Variants in PRH1 observed in about 807,000 individuals in gnomAD.
PRH1 encodes proline rich protein HaeIII subfamily 1.
PRH1 carries 7 observed loss-of-function variants against 7.9 expected under a neutral mutation model. The observed-to-expected ratio is 0.89, with a 90% CI of 0.50 to 1.67. The LOEUF is 1.67. PRH1 is among the 40% of genes most tolerant of loss of function. PRH1 has a pLI of 0.00. For missense variants in PRH1, 109 were observed against 223.6 expected, an observed-to-expected ratio of 0.49 and a Z score of 3.27; for synonymous variants, 45 against 80.8, an observed-to-expected ratio of 0.56 and a Z score of 2.38.
At chr12:11,087,102 G>GTT (rs376472781) in intron 1 of PRH1, among the ~76,000 whole-genome samples, 2 of 86,820 alleles carry the variant, frequency 2.3e-5, no homozygotes, top group Non-Finnish European at 2.8e-5. Flanking sequence ...AGTTAAACTT[G>GTT]TTTTTTTTTT....
intron 1 of PRH1, among the ~76,000 whole-genome samples, chr12:11,080,326 C>T (rs1301906825): frequency 1.9e-5 from 2 of 106,300 alleles, no homozygotes; most frequent in African/African-American, 3.0e-5. Context: ...CTTCTTTTCG[C>T]TTCTGTATAA....
At chr12:11,128,852 G>A (rs974003652) in intron 1 of PRH1, among the ~76,000 whole-genome samples, 20 of 152,164 alleles carry the variant, frequency 1.3e-4, no homozygotes, top group African/African-American at 4.8e-4. Flanking sequence ...TTTGCTATAA[G>A]CAGGAACCAA....
At chr12:10,894,376 G>C (rs1949616266) in intron 2 of PRH1, among the ~76,000 whole-genome samples, 1 of 152,096 alleles carries the variant, frequency 6.6e-6, no homozygotes, top group Admixed American at 6.6e-5. Context: ...TAACAGAATA[G>C]GGCTTATATT....
chr12:10,986,383 C>A, intron 1 of PRH1: 1 of 1,614,006 alleles, frequency 6.2e-7, no homozygotes, highest in Non-Finnish European at 8.5e-7. Context: ...GTCATGTTTC[C>A]TTCATATTCT....
intron 1 of PRH1, among the ~76,000 whole-genome samples, chr12:11,019,000 A>AG (rs1265876135): frequency 6.1e-5 from 5 of 81,914 alleles, no homozygotes; most frequent in Admixed American, 4.8e-4. Context: ...AAAAGAGAAA[A>AG]AATAAATTAA....
At chr12:10,938,187 T>C (rs1950321063) in intron 2 of PRH1, 1 of 1,083,816 alleles carries the variant, frequency 9.2e-7, no homozygotes, top group South Asian at 1.6e-5. Context: ...AATGAAAGAA[T>C]CTTAAGGAAG....
chr12:10,957,978 C>T (rs1052740135), intron 2 of PRH1, among the ~76,000 whole-genome samples: 1 of 152,056 alleles, frequency 6.6e-6, no homozygotes, highest in African/African-American at 2.4e-5. Context: ...GTAAATTAGT[C>T]CAGCCATTGT....
At chr12:11,145,713 G>A (rs1470945087) in intron 1 of PRH1, among the ~76,000 whole-genome samples, 1 of 151,964 alleles carries the variant, frequency 6.6e-6, no homozygotes, top group Non-Finnish European at 1.5e-5. Flanking sequence ...AAACAAAAAG[G>A]TTAAAGTCGC....
At chr12:10,920,444 A>G (rs1443055313) in intron 2 of PRH1, among the ~76,000 whole-genome samples, 1 of 152,168 alleles carries the variant, frequency 6.6e-6, no homozygotes, top group African/African-American at 2.4e-5. Flanking sequence ...TATTATAGTT[A>G]TGTAATTTCA....
At chr12:11,025,274 T>C (rs925865449) in intron 1 of PRH1, among the ~76,000 whole-genome samples, 2 of 152,218 alleles carry the variant, frequency 1.3e-5, no homozygotes, top group African/African-American at 4.8e-5. Context: ...GTGTTCAACT[T>C]TGTATTTTCA....
intron 1 of PRH1, among the ~76,000 whole-genome samples, chr12:11,149,925 C>G (rs1038067244): frequency 8.9e-5 from 12 of 134,846 alleles, no homozygotes; most frequent in African/African-American, 3.2e-4. Context: ...ACTCATCTGA[C>G]AAAGGGCTAA....
At chr12:10,922,516 T>G (rs1950060158) in intron 2 of PRH1, among the ~76,000 whole-genome samples, 1 of 152,228 alleles carries the variant, frequency 6.6e-6, no homozygotes, top group South Asian at 2.1e-4. Context: ...GAATCTGTTC[T>G]TTGTTATAGT....
intron 2 of PRH1, among the ~76,000 whole-genome samples, chr12:10,931,497 C>T (rs879386268): frequency 6.6e-6 from 1 of 152,292 alleles, no homozygotes; most frequent in East Asian, 1.9e-4. Context: ...GGACTTTTAG[C>T]TGTTAAATGG....
intron 1 of PRH1, among the ~76,000 whole-genome samples, chr12:11,067,176 A>C (rs989769671): frequency 8.5e-6 from 1 of 118,154 alleles, no homozygotes; most frequent in Non-Finnish European, 2.0e-5. Flanking sequence ...TATGTTTTAT[A>C]CCTTAACAAA....
intron 2 of PRH1, among the ~76,000 whole-genome samples, chr12:10,923,769 A>AGG (rs1465130740): frequency 6.6e-5 from 10 of 152,176 alleles, no homozygotes; most frequent in Non-Finnish European, 7.3e-5. Flanking sequence ...TTTCTGCTTT[A>AGG]GGTATGCCTC....
intron 1 of PRH1, among the ~76,000 whole-genome samples, chr12:11,099,708 AACAC>A (rs201483367): frequency 5.3e-5 from 8 of 151,912 alleles, no homozygotes; most frequent in African/African-American, 1.7e-4. Context: ...AAAAACAGAA[AACAC>A]ACACACACAC....
chr12:11,133,432 A>G (rs1946434398), intron 1 of PRH1: 2 of 1,613,904 alleles, frequency 1.2e-6, no homozygotes, highest in African/African-American at 1.3e-5. Flanking sequence ...GGGTTGAAGG[A>G]TAGCTGAATA....
intron 1 of PRH1, among the ~76,000 whole-genome samples, chr12:10,993,532 T>C (rs1167749685): frequency 1.3e-5 from 2 of 152,190 alleles, no homozygotes; most frequent in African/African-American, 2.4e-5. Context: ...CCAGTGCTCC[T>C]AGTCCACATG....
downstream of PRH1, among the ~76,000 whole-genome samples, chr12:11,119,923 ATTTG>A (rs1565671582): frequency 6.6e-6 from 1 of 152,212 alleles, no homozygotes; most frequent in East Asian, 1.9e-4. Context: ...TGGACTGGCT[ATTTG>A]TTTGGATTAC....
Sources: gnomAD v4.1 joint callset for allele counts (sites outside exome capture counted in the v4.1 genomes callset) on GRCh38, gnomAD v4.1.1 for gene constraint, MANE v1.5 for transcripts, NCBI Gene and HGNC (gene_info 2026-07-23, HGNC 2026-07-21) for gene names.